Variants in CACNA1B observed in about 807,000 individuals in gnomAD.
The protein encoded by CACNA1B is calcium voltage-gated channel subunit alpha1 B, also known as voltage-dependent N-type calcium channel subunit alpha-1B.
A neutral mutation model predicts 247.2 loss-of-function variants in CACNA1B; 70 were observed. That is an observed-to-expected ratio of 0.28 (90% CI 0.23 to 0.35). CACNA1B has a LOEUF of 0.35. Among genes scored for constraint, CACNA1B ranks in the 10% least tolerant of loss-of-function variants. CACNA1B has a pLI of 1.00. For synonymous variants in CACNA1B, 1,231 were observed against 1,294.4 expected, an observed-to-expected ratio of 0.95 and a Z score of 1.05; for missense variants, 2,367 against 3,197.4, an observed-to-expected ratio of 0.74 and a Z score of 6.26.
chr9:137,886,704 C>A (rs1957018627), intron 3 of CACNA1B, among the ~76,000 whole-genome samples: 1 of 150,504 alleles, frequency 6.6e-6, no homozygotes, highest in Non-Finnish European at 1.5e-5. Context: ...GACCAGAGAG[C>A]AGTCGGCGGG....
Position 138,073,886 on chromosome 9 carries a change from A to G in CACNA1B, c.4792-115A>G, listed in dbSNP as rs1960219751. Reference sequence around the variant, plus strand: ...GTGGAGGGGCTTGGTGGCCAGTGGGATGGAGCTTGAGTAGGCTGAGGTCTG... The same window carrying G: ...GTGGAGGGGCTTGGTGGCCAGTGGGGTGGAGCTTGAGTAGGCTGAGGTCTG... On this transcript the variant is annotated intron_variant, in intron 33 of 46. Transcript: ENST00000371372. The surrounding 1 kb of genome is among the most constrained non-coding windows in gnomAD (Gnocchi z 6.4). The G allele has an allele frequency of 1.2e-6, 1 of 808,466 alleles. No homozygotes were observed. Among genetic ancestry groups the G allele is most frequent in the Admixed American group, 1.9e-5 (1 of 53,714 alleles). 50.1% of individuals were successfully genotyped at this position (808,466 alleles called of 1,614,324 possible). A position where few individuals can be genotyped will look rare whatever the true frequency, so the allele number is the denominator to read the frequency against.
At chr9:137,984,953 C>G (rs1384896997) in intron 13 of CACNA1B, among the ~76,000 whole-genome samples, 1 of 152,234 alleles carries the variant, frequency 6.6e-6, no homozygotes, top group East Asian at 1.9e-4. Context: ...GAGAGACTCT[C>G]CTCACAGCAG....
chr9:137,952,293 A>G lies in CACNA1B; in HGVS notation c.986A>G (p.Asn329Ser). The part of the protein sequence containing the change: ...ILYNTNDAAG[N>S]TWNWLYFIPL... ...TTCCAGACAAACGATGCGGCCGGCA[A>G]CACCTGGAACTGGCTCTACTTCATC... Residue 329 changes from asparagine (N) to serine (S), a missense_variant, in exon 7 of 47, where the codon AAC (asparagine) becomes AGC (serine). Around this residue, in one of 12 missense-constraint regions of CACNA1B, gnomAD observed 32 missense variants for 37.2 expected, o/e 0.86. Coordinates refer to ENST00000371372, the MANE Select transcript of CACNA1B (RefSeq NM_000718.4). This position sits in a 1 kb window ranked among gnomAD's most constrained non-coding sequence, Gnocchi z 4.8. 6.2e-7 allele frequency: 1 copy of G among 1,613,618 alleles called. No individual in the cohort carries two copies. Among genetic ancestry groups the G allele is most frequent in the African/African-American group, 1.3e-5 (1 of 74,924 alleles).
At position 137,989,097 on chromosome 9, in the gene CACNA1B, C is replaced by T. The variant is rs550185405; in HGVS notation, c.1974+2243C>T. ...TCTACAGTCAGAAGGCGTAATCACTCCCAAAGAAAAGGAAATAACAGAACA... is the reference window on the plus strand; with the variant it reads ...TCTACAGTCAGAAGGCGTAATCACTTCCAAAGAAAAGGAAATAACAGAACA... On this transcript the variant is annotated intron_variant, in intron 15 of 46. Transcript: ENST00000371372. Among the ~76,000 whole-genome samples the T allele has an allele frequency of 1.1e-4, 16 of 152,266 alleles. 1 individual carries two copies. The South Asian group carries it at 3.3e-3, about 32-fold the overall frequency.
chr9:138,010,087 G>A lies in CACNA1B; in HGVS notation c.2160+10G>A, dbSNP rs201697323. The A allele has an allele frequency of 5.5e-5, 89 of 1,608,794 alleles. 1 individual carries two copies. In the African/African-American group the frequency reaches 8.9e-4, roughly 16 times the overall value. ...CCAAGAGCTGACCAAGGTAGGTGGCGACAGGGAGGGACCGGTGTCAGCCCA... is the reference window on the plus strand; with the variant it reads ...CCAAGAGCTGACCAAGGTAGGTGGCAACAGGGAGGGACCGGTGTCAGCCCA... On this transcript the variant is annotated intron_variant, in intron 17 of 46. Transcript: ENST00000371372. This position sits in a 1 kb window ranked among gnomAD's most constrained non-coding sequence, Gnocchi z 5.3.
At chr9:137,945,750 A>C (rs982568513) in intron 6 of CACNA1B, among the ~76,000 whole-genome samples, 2 of 152,200 alleles carry the variant, frequency 1.3e-5, no homozygotes, top group African/African-American at 4.8e-5. Context: ...TCACTTTCAC[A>C]AATCTTTTTC....
At position 138,122,124 on chromosome 9, in the gene CACNA1B, G is replaced by GC. The variant is rs1962124688; in HGVS notation, c.*129dup. ...TGCCCACCTTGGTGAGGCTCCTGTG[G>GC]CCCCTCCCTCCCCCTCCTCCCCTCT... is the stretch of plus-strand genomic sequence containing the variant. On this transcript the variant is annotated 3_prime_UTR_variant, in exon 47 of 47. Transcript: ENST00000371372. The GC allele has an allele frequency of 1.2e-6, 1 of 811,584 alleles. No homozygotes were observed. Among genetic ancestry groups the GC allele is most frequent in the South Asian group, 1.8e-5 (1 of 55,498 alleles). 50.3% of individuals were successfully genotyped at this position (811,584 alleles called of 1,614,324 possible).
chr9:138,090,781 G>C (rs1189022619), intron 36 of CACNA1B, among the ~76,000 whole-genome samples: 1 of 81,716 alleles, frequency 1.2e-5, no homozygotes, highest in African/African-American at 5.4e-5. Context: ...TCTCTCAAAA[G>C]AAGACATACA....
At chr9:138,070,620 C>T (rs1960094006) in intron 32 of CACNA1B, among the ~76,000 whole-genome samples, 1 of 152,190 alleles carries the variant, frequency 6.6e-6, no homozygotes, top group African/African-American at 2.4e-5. Flanking sequence ...TACAGCGATT[C>T]ACAATTGGAG....
chr9:138,013,530 C>T (rs1158953398), intron 18 of CACNA1B, among the ~76,000 whole-genome samples: 1 of 152,208 alleles, frequency 6.6e-6, no homozygotes, highest in Non-Finnish European at 1.5e-5. Context: ...GGCCCCTCCC[C>T]AGGCAACTGT....
chr9:137,958,426 A>T (rs1957973923), intron 10 of CACNA1B, among the ~76,000 whole-genome samples: 1 of 152,198 alleles, frequency 6.6e-6, no homozygotes, highest in Admixed American at 6.5e-5. Flanking sequence ...TACAAAAATG[A>T]TTTCATACAA....
At chr9:138,047,319 G>T in intron 22 of CACNA1B, 80 bp from the exon 23 acceptor site, 1 of 1,080,704 alleles carries the variant, frequency 9.3e-7, no homozygotes, top group Non-Finnish European at 1.4e-6. Context: ...GAGGCCTGGA[G>T]GAAAAACTCG....
In CACNA1B at chr9:137,892,003, C is replaced by T. The variant is rs1261548883; in HGVS notation, c.530+9120C>T. ...GGAGCCTGGTGAAAAGGGCCTTGCGCCTTGGTCCTCCTCACTCAGTGTGCG... is the reference window on the plus strand; with the variant it reads ...GGAGCCTGGTGAAAAGGGCCTTGCGTCTTGGTCCTCCTCACTCAGTGTGCG... On this transcript the variant is annotated intron_variant, in intron 3 of 46. Coordinates refer to ENST00000371372, the MANE Select transcript of CACNA1B (RefSeq NM_000718.4). 11 of 456,682 alleles carry T rather than the reference C, an allele frequency of 2.4e-5. No homozygotes were observed. In the East Asian group the frequency reaches 7.6e-4, roughly 32 times the overall value. The allele number at this position is 456,682 out of a possible 1,614,324, so 28.3% of individuals were successfully genotyped here.
At chr9:137,988,186 C>T (rs1336898193) in intron 15 of CACNA1B, among the ~76,000 whole-genome samples, 4 of 152,304 alleles carry the variant, frequency 2.6e-5, no homozygotes, top group Middle Eastern at 3.4e-3. Flanking sequence ...CCCAGCCACA[C>T]GACGGGGAGG....
chr9:138,112,601 G>A (rs1961680650), intron 40 of CACNA1B, 96 bp downstream of exon 40: 3 of 818,504 alleles, frequency 3.7e-6, no homozygotes, highest in South Asian at 2.9e-5. Context: ...GGGATGAAGG[G>A]CAGGCCACCT....
rs1055810302 is a variant in CACNA1B, at chr9:137,986,435, C to T, written c.1792C>T (p.Leu598=). Residue 598 remains leucine, a synonymous_variant, in exon 14 of 47, where the codon CTG becomes TTG. Transcript: ENST00000371372. This position sits in a 1 kb window ranked among gnomAD's most constrained non-coding sequence, Gnocchi z 6.0. ...VTKYWSSLRN[L]VVSLLNSMKS... Reference sequence around the variant, plus strand: ...CAGGTACTGGAGCTCCCTGCGGAACCTGGTGGTGTCCCTGCTGAACTCCAT... The same window carrying T: ...CAGGTACTGGAGCTCCCTGCGGAACTTGGTGGTGTCCCTGCTGAACTCCAT... 6.2e-7 allele frequency: 1 copy of T among 1,613,896 alleles called. No homozygotes were observed.
intron 18 of CACNA1B, chr9:138,017,000 C>T (rs917983507): frequency 9.6e-6 from 4 of 414,796 alleles, no homozygotes; most frequent in East Asian, 7.1e-5. Context: ...GCCCGTCTGA[C>T]GGACGCGTCT....
Position 138,124,089 on chromosome 9 carries a change from G to A in CACNA1B, c.*2090G>A, listed in dbSNP as rs1451900334. The A allele has an allele frequency of 6.6e-6, 1 of 152,132 alleles. No homozygotes were observed. Among genetic ancestry groups the A allele is most frequent in the African/African-American group, 2.4e-5 (1 of 41,414 alleles). 9.4% of individuals were successfully genotyped at this position (152,132 alleles called of 1,614,324 possible). A position where few individuals can be genotyped will look rare whatever the true frequency, so the allele number is the denominator to read the frequency against. On this transcript the variant is annotated 3_prime_UTR_variant, in exon 47 of 47. Transcript: ENST00000371372. ...AATTGATGAAAACTACAGGGAGCGG[G>A]GAAAGGAGACATTATGTCTTGTTTT...
In CACNA1B at chr9:138,073,935, C is replaced by T. The variant is rs757965520; in HGVS notation, c.4792-66C>T. 98 of 1,334,414 alleles carry T rather than the reference C, an allele frequency of 7.3e-5. No individual in the cohort carries two copies. The highest frequency in any genetic ancestry group is 8.6e-5 in the African/African-American group (6 of 69,636). The allele number at this position is 1,334,414 out of a possible 1,614,324, so 82.7% of individuals were successfully genotyped here. ...TGTGTGACCTCAAAGGCCCAGCCAC[C>T]GTAGCAGGAGGCCTGGGCGTGGTGG... On this transcript the variant is annotated intron_variant, in intron 33 of 46. Coordinates refer to ENST00000371372, the MANE Select transcript of CACNA1B (RefSeq NM_000718.4). The surrounding 1 kb of genome is among the most constrained non-coding windows in gnomAD (Gnocchi z 6.4).
Sources: gnomAD v4.1 joint callset for allele counts (sites outside exome capture counted in the v4.1 genomes callset) on GRCh38, gnomAD v4.1.1 for gene constraint, gnomAD v4.1.1 regional missense constraint, Gnocchi (gnomAD v3.1) non-coding constraint, MANE v1.5 for transcripts, NCBI Gene and HGNC (gene_info 2026-07-23, HGNC 2026-07-21) for gene names.